The following LRRIQ1 variants were observed in gnomAD, a reference collection of about 807,000 sequenced individuals.
LRRIQ1 encodes leucine rich repeats and IQ motif containing 1.
In LRRIQ1, 210 loss-of-function variants were observed where a neutral mutation model predicts 211.9. The observed-to-expected ratio is 0.99, with a 90% CI of 0.89 to 1.11. LRRIQ1 has a LOEUF of 1.11. Ranked by LOEUF, LRRIQ1 falls within the 50% of genes most tolerant of loss-of-function variation. The pLI is 0.00. For synonymous variants in LRRIQ1, 699 were observed against 650.1 expected (o/e 1.08, Z -1.14); for missense variants, 2,136 against 1,939.5 (o/e 1.10, Z -1.90).
chr12:85,270,996 A>T, the LRRIQ1 span, among the ~76,000 whole-genome samples: 1 of 152,232 alleles, frequency 6.6e-6, no homozygotes, highest in African/African-American at 2.4e-5. Flanking sequence ...TAATGAAAAC[A>T]TAGGCTAGAA....
At chr12:85,256,017 C>T (rs1896078979) in intron 1 of LRRIQ1, among the ~76,000 whole-genome samples, 1 of 151,592 alleles carries the variant, frequency 6.6e-6, no homozygotes, top group Non-Finnish European at 1.5e-5. Flanking sequence ...TTGTTACTAT[C>T]CTAAGTAACA....
intron 13 of LRRIQ1, among the ~76,000 whole-genome samples, chr12:85,101,181 A>G (rs1194917847): frequency 1.3e-5 from 2 of 151,752 alleles, no homozygotes; most frequent in Non-Finnish European, 3.0e-5. Flanking sequence ...TTTTCCTTTA[A>G]TTTTTGATAT....
At chr12:85,226,740 C>T (rs1346603158) in intron 24 of LRRIQ1, among the ~76,000 whole-genome samples, 8 of 143,088 alleles carry the variant, frequency 5.6e-5, no homozygotes, top group Non-Finnish European at 1.2e-4. Flanking sequence ...CATGTGTTCC[C>T]ATTGTTCAAT....
intron 24 of LRRIQ1, among the ~76,000 whole-genome samples, chr12:85,216,561 C>T (rs771545359): frequency 4.6e-5 from 7 of 150,728 alleles, no homozygotes; most frequent in Non-Finnish European, 1.0e-4. Context: ...TGAATATACA[C>T]ATAGTATATG....
chr12:85,244,481 G>A (rs960173606), intron 26 of LRRIQ1, among the ~76,000 whole-genome samples: 1 of 151,526 alleles, frequency 6.6e-6, no homozygotes, highest in Admixed American at 6.6e-5. Flanking sequence ...AATAAATAAT[G>A]TTAAGCTCTT....
chr12:85,090,553 T>C lies in LRRIQ1; in HGVS notation c.2888-7802T>C, dbSNP rs111775131. Among the ~76,000 whole-genome samples the C allele has an allele frequency of 5.9e-3, 896 of 152,330 alleles. 10 individuals carry two copies. Among genetic ancestry groups the C allele is most frequent in the Non-Finnish European group, 0.01 (702 of 68,028 alleles). ...TGTACCCTGGAGTCAAAGGAGATTATTTTGGAGCTTTAAGATTTAATGACT... is the reference window on the plus strand; with the variant it reads ...TGTACCCTGGAGTCAAAGGAGATTACTTTGGAGCTTTAAGATTTAATGACT... On this transcript the variant is annotated intron_variant, in intron 11 of 26. Coordinates refer to ENST00000393217, the MANE Select transcript of LRRIQ1 (RefSeq NM_001079910.2).
intron 1 of LRRIQ1, among the ~76,000 whole-genome samples, chr12:85,257,278 G>A (rs1896147254): frequency 1.0e-5 from 1 of 96,784 alleles, no homozygotes; most frequent in South Asian, 4.0e-4. Flanking sequence ...TCAACTATAA[G>A]CGTCACTTAT....
downstream of LRRIQ1, among the ~76,000 whole-genome samples, chr12:85,246,444 G>A (rs529513836): frequency 1.7e-4 from 25 of 151,162 alleles, no homozygotes; most frequent in Non-Finnish European, 2.8e-4. Context: ...TAAGAAATAA[G>A]CAAATTAAAA....
At chr12:85,164,447 A>G (rs1891052393) in intron 24 of LRRIQ1, among the ~76,000 whole-genome samples, 1 of 152,214 alleles carries the variant, frequency 6.6e-6, no homozygotes, top group African/African-American at 2.4e-5. Context: ...TGTGAGGATT[A>G]CATAGATTTT....
chr12:85,172,175 T>G (rs1405090340), intron 24 of LRRIQ1, among the ~76,000 whole-genome samples: 1 of 152,118 alleles, frequency 6.6e-6, no homozygotes, highest in Non-Finnish European at 1.5e-5. Context: ...GGAAGAATAG[T>G]AACTTTGGTG....
chr12:85,114,516 C>A (rs928157543), intron 15 of LRRIQ1, among the ~76,000 whole-genome samples: 1 of 151,948 alleles, frequency 6.6e-6, no homozygotes, highest in Non-Finnish European at 1.5e-5. Context: ...AGCATGAACA[C>A]TTATTTTATT....
In LRRIQ1 at chr12:85,098,484, T is replaced by TA. The variant is rs1460191430; in HGVS notation, c.3018dup (p.Glu1007ArgfsTer4). On this transcript the variant is annotated frameshift_variant, in exon 12 of 27. Coordinates refer to ENST00000393217, the MANE Select transcript of LRRIQ1 (RefSeq NM_001079910.2). LOFTEE classifies it high-confidence loss of function. ...TGCTCCCATAATCATCTTACTGATG[T>TA]AGAGGGCGTTGAAAATTGTGGATTG... 6.2e-7 allele frequency: 1 copy of TA among 1,611,806 alleles called. No homozygotes were observed. Among genetic ancestry groups the TA allele is most frequent in the Non-Finnish European group, 8.5e-7 (1 of 1,179,048 alleles).
At chr12:85,209,498 G>T (rs1228538823) in intron 24 of LRRIQ1, among the ~76,000 whole-genome samples, 1 of 152,126 alleles carries the variant, frequency 6.6e-6, no homozygotes, top group Non-Finnish European at 1.5e-5. Context: ...TTTGTGTGGG[G>T]ACACACCCAA....
chr12:85,150,018 C>T (rs891646030), intron 19 of LRRIQ1, among the ~76,000 whole-genome samples: 2 of 151,676 alleles, frequency 1.3e-5, no homozygotes, highest in Non-Finnish European at 2.9e-5. Context: ...GTTTATTGTG[C>T]TTTGTGGGAT....
At chr12:85,072,848 C>A in intron 10 of LRRIQ1, 59 bp from the exon 11 acceptor site, 2 of 1,252,004 alleles carry the variant, frequency 1.6e-6, no homozygotes, top group Middle Eastern at 2.1e-4. Context: ...TAAGCTATAA[C>A]CACTTGCATT....
intron 24 of LRRIQ1, among the ~76,000 whole-genome samples, chr12:85,167,249 T>C (rs564540984): frequency 1.3e-5 from 2 of 152,270 alleles, no homozygotes; most frequent in South Asian, 4.1e-4. Flanking sequence ...GTATTATTAG[T>C]CAGGGTTCTC....
chr12:85,197,913 TAAAA>T (rs1202883313), intron 24 of LRRIQ1, among the ~76,000 whole-genome samples: 1 of 120,916 alleles, frequency 8.3e-6, no homozygotes, highest in Non-Finnish European at 1.6e-5. Flanking sequence ...AAATATATAA[TAAAA>T]ATATATATAA....
In LRRIQ1 at chr12:85,124,246, A is replaced by G; in HGVS notation, c.3734A>G (p.Gln1245Arg). ...LAPTNSDSTL[Q>R]NGVFYSCARE... ...CCTACAAACAGTGACAGCACTCTGC[A>G]AAATGGAGTCTTCTACTCTTGTGCA... Residue 1245 changes from glutamine (Q) to arginine (R), a missense_variant, in exon 17 of 27, where the codon CAA becomes CGA. By Grantham distance (43) the Gln-to-Arg change is conservative (BLOSUM62 1). Transcript: ENST00000393217. 2 of 1,614,162 alleles carry G rather than the reference A, an allele frequency of 1.2e-6. No individual in the cohort carries two copies. The highest frequency in any genetic ancestry group is 1.7e-6 in the Non-Finnish European group (2 of 1,180,022).
intron 10 of LRRIQ1, 84 bp downstream of exon 10, chr12:85,066,982 A>G: frequency 1.5e-6 from 1 of 676,752 alleles, no homozygotes; most frequent in Non-Finnish European, 2.2e-6. Context: ...GGAGTAGGCC[A>G]CCATCACAAA....
Sources: allele counts gnomAD v4.1 joint callset (sites outside exome capture counted in the v4.1 genomes callset), GRCh38; gene constraint gnomAD v4.1.1; transcripts MANE v1.5; gene names NCBI Gene and HGNC (gene_info 2026-07-23, HGNC 2026-07-21).